RRM1: variants seen among roughly 807,000 people sequenced by gnomAD.
The protein encoded by RRM1 is ribonucleoside-diphosphate reductase large subunit.
A neutral mutation model predicts 101.5 loss-of-function variants in RRM1; 19 were observed. That is an observed-to-expected ratio of 0.19 (90% CI 0.13 to 0.27). The LOEUF is 0.27. Ranked by LOEUF, RRM1 falls within the 10% of genes least tolerant of loss-of-function variation. The pLI, the probability that RRM1 is intolerant of heterozygous loss-of-function variation, is 1.00. For missense variants in RRM1, 500 were observed against 962.9 expected (o/e 0.52, Z 6.36); for synonymous variants, 298 against 323.4 (o/e 0.92, Z 0.84).
chr11:4,107,668 C>A, intron 4 of RRM1, 133 bp downstream of exon 4: 1 of 613,478 alleles, frequency 1.6e-6, no homozygotes, highest in Non-Finnish European at 2.9e-6. Context: ...TCCTGATTTT[C>A]CTCTCTAGAA....
intron 1 of RRM1, 130 bp downstream of exon 1, chr11:4,095,161 C>G: frequency 8.7e-7 from 1 of 1,151,878 alleles, no homozygotes; most frequent in African/African-American, 1.5e-5. Context: ...CCGCGGCCTT[C>G]CGCCCTGTCA....
intron 2 of RRM1, 35 bp from the exon 3 acceptor site, chr11:4,106,011 G>T: frequency 6.3e-7 from 1 of 1,578,974 alleles, no homozygotes; most frequent in Non-Finnish European, 8.7e-7. Flanking sequence ...TGTTTCTTGG[G>T]AAAGCTCAAG....
At chr11:4,117,152 A>G (rs984369760) in intron 7 of RRM1, among the ~76,000 whole-genome samples, 1 of 152,228 alleles carries the variant, frequency 6.6e-6, no homozygotes, top group African/African-American at 2.4e-5. Flanking sequence ...AAGGCTGACA[A>G]TTCCAAGCAC....
At chr11:4,098,020 T>TA (rs1380329993) in intron 1 of RRM1, among the ~76,000 whole-genome samples, 1 of 152,126 alleles carries the variant, frequency 6.6e-6, no homozygotes, top group African/African-American at 2.4e-5. Context: ...AGATTATGGT[T>TA]AAAAAAATAA....
intron 18 of RRM1, chr11:4,137,207 CT>C (rs2133328446): frequency 1.5e-5 from 4 of 262,262 alleles, no homozygotes; most frequent in South Asian, 3.5e-5. Flanking sequence ...ATTTCTCAAT[CT>C]TTTCCCCACC....
chr11:4,102,082 G>T lies in RRM1; in HGVS notation c.108+1G>T. 6.7e-7 allele frequency: 1 copy of T among 1,483,526 alleles called. No individual in the cohort carries two copies. Among genetic ancestry groups the T allele is most frequent in the Non-Finnish European group, 9.4e-7 (1 of 1,064,948 alleles). The allele number at this position is 1,483,526 out of a possible 1,614,324, so 91.9% of individuals were successfully genotyped here. ...ACTCAATATGGATTTTGTTGATCCT[G>T]TAAGTAAATATGGTTTTTATCTTGG... On this transcript the variant is annotated splice_donor_variant, in intron 2 of 18. Coordinates refer to ENST00000300738, the MANE Select transcript of RRM1 (RefSeq NM_001033.5). LOFTEE classifies it high-confidence loss of function.
At position 4,112,012 on chromosome 11, in the gene RRM1, T is replaced by C. The variant is rs1264287155; in HGVS notation, c.600T>C (p.His200=). 1 of 1,614,190 alleles carries C rather than the reference T, an allele frequency of 6.2e-7. No homozygotes were observed. Among genetic ancestry groups the C allele is most frequent in the Non-Finnish European group, 8.5e-7 (1 of 1,180,026 alleles). Residue 200 remains histidine (H), a synonymous_variant, in exon 7 of 19, where the codon CAT becomes CAC. Transcript: ENST00000300738. ...TTCTTTCTGAGAGGTGGTTTACTCA[T>C]GCTTCGCCCACTCTCTTCAATGCTG... ...YNLLSERWFT[H]ASPTLFNAGT...
chr11:4,103,351 T>C (rs2094554185), intron 2 of RRM1, among the ~76,000 whole-genome samples: 1 of 152,220 alleles, frequency 6.6e-6, no homozygotes, highest in Non-Finnish European at 1.5e-5. Context: ...ATGTTAGAGT[T>C]GGAATGAACT....
chr11:4,100,948 T>A (rs1303034788), intron 1 of RRM1, among the ~76,000 whole-genome samples: 1 of 152,234 alleles, frequency 6.6e-6, no homozygotes, highest in Non-Finnish European at 1.5e-5. Flanking sequence ...GATGAGCTAC[T>A]ATTTGAGGTT....
intron 1 of RRM1, among the ~76,000 whole-genome samples, chr11:4,100,492 C>T (rs2094549510): frequency 6.6e-6 from 1 of 152,144 alleles, no homozygotes. Context: ...TTTCTTTGAA[C>T]ATTGTGTTGG....
chr11:4,101,066 T>C (rs1454920359), intron 1 of RRM1, among the ~76,000 whole-genome samples: 1 of 151,952 alleles, frequency 6.6e-6, no homozygotes, highest in Non-Finnish European at 1.5e-5. Flanking sequence ...ATGGGGTAAG[T>C]GCAATGGAGA....
At chr11:4,119,575 T>G (rs1368858418) in intron 8 of RRM1, 1 of 373,388 alleles carries the variant, frequency 2.7e-6, no homozygotes, top group African/African-American at 2.1e-5. Context: ...TTAGCTACCT[T>G]GATTTTGGAT....
intron 12 of RRM1, among the ~76,000 whole-genome samples, chr11:4,125,324 A>T (rs1002793439): frequency 1.8e-4 from 27 of 152,136 alleles, no homozygotes; most frequent in African/African-American, 6.5e-4. Context: ...TTCTGTCTCT[A>T]GATTTGTGGA....
chr11:4,102,651 CAA>C (rs780209887), intron 2 of RRM1, among the ~76,000 whole-genome samples: 31 of 82,036 alleles, frequency 3.8e-4, no homozygotes, highest in Admixed American at 5.0e-4. Context: ...GACTCCCTCT[CAA>C]AAAAAAAAAA....
At chr11:4,126,536 T>C (rs1302355801) in intron 12 of RRM1, 148 bp from the exon 13 acceptor site, 8 of 655,284 alleles carry the variant, frequency 1.2e-5, no homozygotes, top group Non-Finnish European at 2.0e-5. Flanking sequence ...GATTTAGAAA[T>C]GGACTGATGA....
chr11:4,113,860 C>T (rs1338233324), intron 7 of RRM1, among the ~76,000 whole-genome samples: 1 of 151,996 alleles, frequency 6.6e-6, no homozygotes, highest in Non-Finnish European at 1.5e-5. Context: ...GGCGTGGTGG[C>T]TCACGCCTGT....
intron 9 of RRM1, among the ~76,000 whole-genome samples, chr11:4,121,024 A>C (rs902840405): frequency 6.6e-6 from 1 of 152,246 alleles, no homozygotes; most frequent in Non-Finnish European, 1.5e-5. Context: ...TGTCTCAAAC[A>C]AAACAGAACA....
rs951378019 is a variant in RRM1 at position 4,132,775 on chromosome 11, G to A, written c.1905+354G>A. 1.3e-5 allele frequency among the ~76,000 whole-genome samples: 2 copies of A among 152,130 alleles called. No individual in the cohort carries two copies. The highest frequency in any genetic ancestry group is 2.9e-5 in the Non-Finnish European group (2 of 68,028). ...ATAAAGAAGTATCATTTAAGGCAGTGGTTCTCAGACTTGGTTACCAATTAG... is the reference window on the plus strand; with the variant it reads ...ATAAAGAAGTATCATTTAAGGCAGTAGTTCTCAGACTTGGTTACCAATTAG... On this transcript the variant is annotated intron_variant, in intron 16 of 18. Coordinates refer to ENST00000300738, the MANE Select transcript of RRM1 (RefSeq NM_001033.5). The surrounding 1 kb of genome is among the most constrained non-coding windows in gnomAD (Gnocchi z 4.1).
intron 7 of RRM1, among the ~76,000 whole-genome samples, chr11:4,113,208 A>T (rs570608817): frequency 6.1e-4 from 93 of 152,310 alleles, no homozygotes; most frequent in African/African-American, 2.1e-3. Context: ...AATTCATTGC[A>T]TTAACATTTT....
Sources: gnomAD v4.1 joint callset for allele counts (sites outside exome capture counted in the v4.1 genomes callset) on GRCh38, gnomAD v4.1.1 for gene constraint, Gnocchi (gnomAD v3.1) non-coding constraint, MANE v1.5 for transcripts, NCBI Gene and HGNC (gene_info 2026-07-23, HGNC 2026-07-21) for gene names.